Variants in SIGLEC1 observed in about 807,000 individuals in gnomAD.
The protein encoded by SIGLEC1 is sialoadhesin.
A neutral mutation model predicts 148.0 loss-of-function variants in SIGLEC1; 132 were observed. The observed-to-expected ratio is 0.89, with a 90% CI of 0.77 to 1.03. SIGLEC1 has a LOEUF of 1.03. Among genes scored for constraint, SIGLEC1 ranks in the 50% least tolerant of loss-of-function variants. SIGLEC1 has a pLI of 0.00. For missense variants in SIGLEC1, 2,253 were observed against 2,271.4 expected (o/e 0.99, Z 0.16); for synonymous variants, 945 against 969.0 (o/e 0.98, Z 0.46).
At chr20:3,712,275 G>A (rs761382320) in intron 1 of SIGLEC1, among the ~76,000 whole-genome samples, 195 bp downstream of exon 1, 10 of 152,020 alleles carry the variant, frequency 6.6e-5, no homozygotes, top group Non-Finnish European at 1.2e-4. Context: ...GAAGGATTTG[G>A]GGGTGGTGGA....
intron 8 of SIGLEC1, among the ~76,000 whole-genome samples, chr20:3,698,711 A>C (rs912329547): frequency 6.6e-6 from 1 of 152,240 alleles, no homozygotes; most frequent in African/African-American, 2.4e-5. Flanking sequence ...GCCCTCTGAC[A>C]GTTCCGGGAC....
rs948845520 is a variant in SIGLEC1, at chr20:3,710,910, A to G, written c.-110+1560T>C. Among the ~76,000 whole-genome samples the G allele has an allele frequency of 3.9e-5, 6 of 152,242 alleles. No individual in the cohort carries two copies. The highest frequency in any genetic ancestry group is 5.9e-5 in the Non-Finnish European group (4 of 68,030). On this transcript the variant is annotated intron_variant, in intron 1 of 21. Transcript: ENST00000344754. The surrounding 1 kb of genome is among the most constrained non-coding windows in gnomAD (Gnocchi z 4.6). The stretch of plus-strand genomic sequence containing the variant: ...GGCTCAGCCTGTCACCACAAAGGCC[A>G]GCTTCAGCCCAGATAACTGTTCTGG...
At position 3,710,911 on chromosome 20, in the gene SIGLEC1, G is replaced by A. The variant is rs1309528563; in HGVS notation, c.-110+1559C>T. The stretch of plus-strand genomic sequence containing the variant: ...GCTCAGCCTGTCACCACAAAGGCCA[G>A]CTTCAGCCCAGATAACTGTTCTGGA... On this transcript the variant is annotated intron_variant, in intron 1 of 21. Transcript: ENST00000344754. This position sits in a 1 kb window ranked among gnomAD's most constrained non-coding sequence, Gnocchi z 4.6. 6.6e-6 allele frequency among the ~76,000 whole-genome samples: 1 copy of A among 152,246 alleles called. No homozygotes were observed. Among genetic ancestry groups the A allele is most frequent in the Admixed American group, 6.5e-5 (1 of 15,290 alleles).
In SIGLEC1 at chr20:3,703,259, A is replaced by G. The variant is rs1160161238; in HGVS notation, c.1166T>C (p.Phe389Ser). 21 of 1,614,156 alleles carry G rather than the reference A, an allele frequency of 1.3e-5. No homozygotes were observed. Among genetic ancestry groups the G allele is most frequent in the Non-Finnish European group, 1.5e-5 (18 of 1,180,014 alleles). The change falls in exon 6 of 22, where the codon TTC becomes TCC. Residue 389 changes from phenylalanine to serine, a missense_variant. By Grantham distance (155) the Phe-to-Ser change is radical (BLOSUM62 -2). Coordinates refer to ENST00000344754, the MANE Select transcript of SIGLEC1 (RefSeq NM_023068.4). ...GCCATGGACGTTCTGCACCTCACAG[A>G]AGTAGAAGCCAGTATCAGCCCTAGT... The part of the protein sequence containing the change: ...LATRADTGFY[F>S]CEVQNVHGSE...
At chr20:3,695,516 C>A (rs2088812912) in intron 11 of SIGLEC1, among the ~76,000 whole-genome samples, 1 of 152,176 alleles carries the variant, frequency 6.6e-6, no homozygotes, top group Admixed American at 6.5e-5. Context: ...AGCAGGAGAA[C>A]CCCAGGTTGC....
rs1432099879 is a variant in SIGLEC1, at chr20:3,690,023, G to T, written c.4833C>A (p.Tyr1611Ter). 6.2e-7 allele frequency: 1 copy of T among 1,613,276 alleles called. No homozygotes were observed. The highest frequency in any genetic ancestry group is 8.5e-7 in the Non-Finnish European group (1 of 1,179,876). ...CCAGGACATTTGAGGCAGAACAGAT[G>T]TATTCCCCTTGGTCGCTGGGCCTCA... is the stretch of plus-strand genomic sequence containing the variant. ...EALRPSDQGE[Y>*]ICSASNVLGS... The change falls in exon 19 of 22, where the codon TAC (tyrosine) becomes TAA (stop). Residue 1611 changes from tyrosine (Y) to a stop codon, truncating the protein, a stop_gained. Coordinates refer to ENST00000344754, the MANE Select transcript of SIGLEC1 (RefSeq NM_023068.4). LOFTEE classifies it high-confidence loss of function.
Position 3,696,723 on chromosome 20 carries a change from C to T in SIGLEC1, c.2546G>A (p.Arg849Gln), listed in dbSNP as rs758223686. The change falls in exon 11 of 22, where the codon CGG becomes CAG. Residue 849 changes from arginine to glutamine, a missense_variant. Coordinates refer to ENST00000344754, the MANE Select transcript of SIGLEC1 (RefSeq NM_023068.4). ...GTTGGCCTCAGCTTTAGCCTGGAAC[C>T]GACCATGGGATGGGACCTGGGGACC... ...SLGPQVPSHG[R>Q]FQAKAEANSL... 4.3e-6 allele frequency: 7 copies of T among 1,613,674 alleles called. No homozygotes were observed. The highest frequency in any genetic ancestry group is 2.2e-5 in the East Asian group (1 of 44,882).
chr20:3,697,999 G>A lies in SIGLEC1; in HGVS notation c.1921C>T (p.Arg641Cys), dbSNP rs769943911. Residue 641 changes from arginine to cysteine, a missense_variant, in exon 9 of 22, where the codon CGT becomes TGT. Arg to Cys is a radical substitution (Grantham distance 180). Transcript: ENST00000344754. ...GATGGCAGGGAAGTGGCCACAACAC[G>A]GTCCTTGTGGAGCAGCTGCAGCCTG... ...PARLQLLHKD[R>C]VVATSLPSGG... 1.8e-5 allele frequency: 29 copies of A among 1,610,670 alleles called. No individual in the cohort carries two copies. The highest frequency in any genetic ancestry group is 6.7e-5 in the African/African-American group (5 of 74,820).
intron 21 of SIGLEC1, chr20:3,688,861 G>C (rs2088725704): frequency 1.7e-6 from 1 of 597,698 alleles, no homozygotes; most frequent in Non-Finnish European, 3.0e-6. Context: ...AGAGGCCTCA[G>C]AACAAAGGTG....
At position 3,692,131 on chromosome 20, in the gene SIGLEC1, T is replaced by C; in HGVS notation, c.4102A>G (p.Thr1368Ala). The change falls in exon 17 of 22, where the codon ACT (threonine) becomes GCT (alanine). Residue 1368 changes from threonine to alanine, a missense_variant. Transcript: ENST00000344754. ...TCAGCAGGTGGCTCACTGTCCACAG[T>C]GCACTGTATCACAGCCATGGATCTG... ...RARSMAVIQC[T>A]VDSEPPAELA... 6.2e-7 allele frequency: 1 copy of C among 1,601,804 alleles called. No homozygotes were observed. The highest frequency in any genetic ancestry group is 2.2e-5 in the East Asian group (1 of 44,702).
In SIGLEC1 at chr20:3,706,359, C is replaced by A; in HGVS notation, c.397G>T (p.Val133Phe). Residue 133 changes from valine (V) to phenylalanine (F), a missense_variant, in exon 3 of 22, where the codon GTC becomes TTC. Val to Phe is a conservative substitution (Grantham distance 50, BLOSUM62 -1). Coordinates refer to ENST00000344754, the MANE Select transcript of SIGLEC1 (RefSeq NM_023068.4). ...NRWSDVKGTL[V>F]TVTEEPRVPT... ...CCCCACTTATCACCTGTTACTGTGA[C>A]CAAGGTGCCTTTCACATCTGACCAG... 6.2e-7 allele frequency: 1 copy of A among 1,610,334 alleles called. No homozygotes were observed. The highest frequency in any genetic ancestry group is 8.5e-7 in the Non-Finnish European group (1 of 1,177,776).
intron 16 of SIGLEC1, 67 bp downstream of exon 16, chr20:3,692,454 C>T: frequency 1.3e-6 from 2 of 1,491,250 alleles, no homozygotes; most frequent in Admixed American, 2.1e-5. Context: ...CCCACTCCCA[C>T]CAGAGCCCAG....
In SIGLEC1 at chr20:3,707,160, G is replaced by T. The variant is rs1342914378; in HGVS notation, c.-32C>A. The T allele has an allele frequency of 1.9e-6, 3 of 1,611,334 alleles. No individual in the cohort carries two copies. The highest frequency in any genetic ancestry group is 1.7e-6 in the Non-Finnish European group (2 of 1,177,884). On this transcript the variant is annotated 5_prime_UTR_variant, in exon 2 of 22. Coordinates refer to ENST00000344754, the MANE Select transcript of SIGLEC1 (RefSeq NM_023068.4). The stretch of plus-strand genomic sequence containing the variant: ...TTCTTGTGCTGCTCCTGTTGCCTAA[G>T]AGGGTGGTGCGCACTGCGCTGGCTG...
rs1470967253 is a variant in SIGLEC1, at chr20:3,693,661, C to T, written c.3294G>A (p.Arg1098=). The T allele has an allele frequency of 6.2e-7, 1 of 1,606,396 alleles. No homozygotes were observed. Among genetic ancestry groups the T allele is most frequent in the Non-Finnish European group, 8.5e-7 (1 of 1,176,294 alleles). ...NVQVWPGATV[R]EGQLVNLTCL... ...AGGTCAGGTTCACCAGCTGCCCCTCCCGCACGGTAGCCCCGGGCCACACCT... is the reference window on the plus strand; with the variant it reads ...AGGTCAGGTTCACCAGCTGCCCCTCTCGCACGGTAGCCCCGGGCCACACCT... The change falls in exon 14 of 22, where the codon CGG becomes CGA. Residue 1098 remains arginine, a synonymous_variant. Coordinates refer to ENST00000344754, the MANE Select transcript of SIGLEC1 (RefSeq NM_023068.4).
At position 3,692,853 on chromosome 20, in the gene SIGLEC1, C is replaced by T. The variant is rs749258334; in HGVS notation, c.3778+9G>A. The T allele has an allele frequency of 6.2e-7, 1 of 1,606,674 alleles. No homozygotes were observed. Among genetic ancestry groups the T allele is most frequent in the Non-Finnish European group, 8.5e-7 (1 of 1,177,422 alleles). On this transcript the variant is annotated intron_variant, in intron 15 of 21. Transcript: ENST00000344754. ...CATCCCAGTGGGCTTGGCCTAGGCC[C>T]TGCCTTACCCTCCAGCCGCAGCTCC... is the stretch of plus-strand genomic sequence containing the variant.
At chr20:3,697,373 AC>A in intron 9 of SIGLEC1, 31 bp from the exon 10 acceptor site, 1 of 1,608,268 alleles carries the variant, frequency 6.2e-7, no homozygotes, top group Non-Finnish European at 8.5e-7. Context: ...CTTACTGACC[AC>A]CCCCGGCCCC....
At chr20:3,691,875 C>T in intron 17 of SIGLEC1, 28 bp downstream of exon 17, 1 of 1,546,514 alleles carries the variant, frequency 6.5e-7, no homozygotes, top group Non-Finnish European at 8.8e-7. Context: ...GCATCAGAGC[C>T]CCTCCTCCTC....
In SIGLEC1 at chr20:3,692,062, C is replaced by T. The variant is rs142517961; in HGVS notation, c.4171G>A (p.Gly1391Arg). 27 of 1,612,136 alleles carry T rather than the reference C, an allele frequency of 1.7e-5. No individual in the cohort carries two copies. Among genetic ancestry groups the T allele is most frequent in the East Asian group, 1.1e-4 (5 of 44,870 alleles). ...GTCCCTGATGCCAAGCTGTGGACCCCGCTGCTCGTGGCCAGCACCTTGCCA... is the reference window on the plus strand; with the variant it reads ...GTCCCTGATGCCAAGCTGTGGACCCTGCTGCTCGTGGCCAGCACCTTGCCA... ...HDGKVLATSS[G>R]VHSLASGTGH... Residue 1391 changes from glycine to arginine, a missense_variant, in exon 17 of 22, where the codon GGG becomes AGG. Physicochemically the swap from Gly to Arg is moderately radical, Grantham distance 125. Coordinates refer to ENST00000344754, the MANE Select transcript of SIGLEC1 (RefSeq NM_023068.4).
chr20:3,711,046 T>C (rs1333281173), intron 1 of SIGLEC1, among the ~76,000 whole-genome samples: 1 of 152,216 alleles, frequency 6.6e-6, no homozygotes, highest in Non-Finnish European at 1.5e-5. Context: ...GGGTTGCAGC[T>C]GTGGCCTAGT....
Sources: allele counts gnomAD v4.1 joint callset (sites outside exome capture counted in the v4.1 genomes callset), GRCh38; gene constraint gnomAD v4.1.1; non-coding constraint Gnocchi (gnomAD v3.1); transcripts MANE v1.5; gene names NCBI Gene and HGNC (gene_info 2026-07-23, HGNC 2026-07-21).